CD151: variants seen among roughly 807,000 people sequenced by gnomAD.
CD151 encodes the protein CD151 molecule (Raph blood group), also known as CD151 antigen.
CD151 carries 20 observed loss-of-function variants against 34.2 expected under a neutral mutation model. The ratio of observed to expected loss-of-function variants is 0.58; its 90% CI spans 0.41 to 0.85. The LOEUF (loss-of-function observed/expected upper bound fraction) is 0.85. Among genes scored for constraint, CD151 ranks in the 40% least tolerant of loss-of-function variants. The pLI is 0.00. For synonymous variants in CD151, 157 were observed against 131.7 expected, an observed-to-expected ratio of 1.19 and a Z score of -1.32; for missense variants, 306 against 324.5, an observed-to-expected ratio of 0.94 and a Z score of 0.44.
intron 2 of CD151, 194 bp downstream of exon 2, chr11:834,785 G>C (rs1416709338): frequency 2.6e-5 from 4 of 152,420 alleles, no homozygotes. Context: ...GGCATAGCCT[G>C]TCTGTGCTGC....
At chr11:834,502 G>A (rs887075788) in intron 1 of CD151, 28 bp from the exon 2 acceptor site, 1 of 152,408 alleles carries the variant, frequency 6.6e-6, no homozygotes, top group South Asian at 2.1e-4. Flanking sequence ...CCTGTAACCT[G>A]TGACCTGACA....
At chr11:836,490 A>G (rs1590209767) in intron 4 of CD151, 48 bp downstream of exon 4, 1 of 1,403,306 alleles carries the variant, frequency 7.1e-7, no homozygotes. Flanking sequence ...AGATGGGCCC[A>G]AGGAGGTTGT....
In CD151 at chr11:837,364, T is replaced by G. The variant is rs779772018; in HGVS notation, c.456+10T>G. 39 of 1,610,070 alleles carry G rather than the reference T, an allele frequency of 2.4e-5. No individual in the cohort carries two copies. The highest frequency in any genetic ancestry group is 1.6e-4 in the Middle Eastern group (1 of 6,076). ...CCAGCTGCAGCAGGAGGTGGGTGGG[T>G]GGTGCTGGGAGGGCGCGTGCATCCC... On this transcript the variant is annotated intron_variant, in intron 6 of 8. Transcript: ENST00000397420.
At chr11:833,614 G>A (rs1055487033) in intron 1 of CD151, among the ~76,000 whole-genome samples, 8 of 152,192 alleles carry the variant, frequency 5.3e-5, no homozygotes, top group African/African-American at 1.4e-4. Context: ...AACTATTTCT[G>A]GAAGGCCCTT....
chr11:837,968 C>G lies in CD151; in HGVS notation c.642C>G (p.Thr214=), dbSNP rs180832714. ...GCGGCTGCATCACCAAGTTGGAGACCTTCATCCAGGAGCACCTGAGGGTCA... is the reference window on the plus strand; with the variant it reads ...GCGGCTGCATCACCAAGTTGGAGACGTTCATCCAGGAGCACCTGAGGGTCA... The part of the protein sequence containing the change: ...VEGGCITKLE[T]FIQEHLRVIG... The change falls in exon 8 of 9, where the codon ACC becomes ACG. Residue 214 remains threonine, a synonymous_variant. Transcript: ENST00000397420. 5 of 1,613,128 alleles carry G rather than the reference C, an allele frequency of 3.1e-6. No individual in the cohort carries two copies. Among genetic ancestry groups the G allele is most frequent in the Non-Finnish European group, 3.4e-6 (4 of 1,179,864 alleles).
chr11:834,108 G>A (rs28678266), intron 1 of CD151: 95,436 of 151,484 alleles, frequency 0.63, 30,666 homozygotes, highest in East Asian at 0.9. Context: ...CCGAAATGTC[G>A]TCTGCCTTGG....
rs765745305 is a variant in CD151 at position 837,931 on chromosome 11, G to A, written c.616-11G>A. On this transcript the variant is annotated splice_polypyrimidine_tract_variant and intron_variant, in intron 7 of 8. Transcript: ENST00000397420. Reference sequence around the variant, plus strand: ...CTGGGCCCGCCTTCAACACCCATCCGCGCCCCGCAGGGCGGCTGCATCACC... The same window carrying A: ...CTGGGCCCGCCTTCAACACCCATCCACGCCCCGCAGGGCGGCTGCATCACC... 22 of 1,606,726 alleles carry A rather than the reference G, an allele frequency of 1.4e-5. No homozygotes were observed. Among genetic ancestry groups the A allele is most frequent in the Middle Eastern group, 3.3e-4 (2 of 6,008 alleles).
intron 1 of CD151, among the ~76,000 whole-genome samples, 169 bp downstream of exon 1, chr11:833,195 G>GCCCAGCTCCCTCGCCTGC (rs142782599): frequency 3.4e-3 from 66 of 19,628 alleles, no homozygotes; most frequent in South Asian, 0.026. Flanking sequence ...CCACCGCCTG[G>GCCCAGCTCCCTCGCCTGC]CCCAGCTCCC....
At chr11:833,317 G>T (rs1222744019) in intron 1 of CD151, among the ~76,000 whole-genome samples, 1 of 152,164 alleles carries the variant, frequency 6.6e-6, no homozygotes, top group Non-Finnish European at 1.5e-5. Context: ...CCGGCCTGAC[G>T]GCCCCCTTCA....
chr11:836,184 A>G (rs1486432914), intron 3 of CD151, 31 bp downstream of exon 3: 3 of 715,886 alleles, frequency 4.2e-6, no homozygotes, highest in Non-Finnish European at 6.8e-6. Flanking sequence ...CCCCACCCCC[A>G]CCCCCACCCC....
At position 836,849 on chromosome 11, in the gene CD151, G is replaced by A. The variant is rs1159492380; in HGVS notation, c.351+6G>A. The A allele has an allele frequency of 6.2e-7, 1 of 1,612,212 alleles. No homozygotes were observed. On this transcript the variant is annotated splice_donor_region_variant and intron_variant, in intron 5 of 8. Transcript: ENST00000397420. ...CCTACGCCTACTACCAGCAGGTGAG[G>A]GGCCTGGGCAGGCCATTCAGAGACA...
Position 838,039 on chromosome 11 carries a change from A to T in CD151, c.702+11A>T. The T allele has an allele frequency of 6.2e-7, 1 of 1,612,518 alleles. No individual in the cohort carries two copies. Among genetic ancestry groups the T allele is most frequent in the Non-Finnish European group, 8.5e-7 (1 of 1,178,978 alleles). ...ATTGCCTGTGTGCAGGTGAGGGCAC[A>T]TGGGGGTGGCGGTCATCTTGTTGGG... On this transcript the variant is annotated intron_variant, in intron 8 of 8. Transcript: ENST00000397420.
In CD151 at chr11:838,424, C is replaced by T. The variant is rs1130680; in HGVS notation, c.*232C>T. On this transcript the variant is annotated 3_prime_UTR_variant, in exon 9 of 9. Coordinates refer to ENST00000397420, the MANE Select transcript of CD151 (RefSeq NM_004357.5). ...GGTGTTTTGTGGGGCTCCCCAGACA[C>T]ACTCTCTGCCTGGTGGTCAGATGCA... is the stretch of plus-strand genomic sequence containing the variant. 390,676 of 582,100 alleles carry T rather than the reference C, an allele frequency of 0.67. 134,332 individuals carry two copies. Among genetic ancestry groups the T allele is most frequent in the East Asian group, 0.89 (31,160 of 34,934 alleles). 36.1% of individuals were successfully genotyped at this position (582,100 alleles called of 1,614,324 possible).
chr11:836,628 G>A (rs1438998796), intron 4 of CD151, 141 bp from the exon 5 acceptor site: 14 of 887,012 alleles, frequency 1.6e-5, no homozygotes, highest in East Asian at 2.6e-5. Flanking sequence ...CACCAGCTCC[G>A]CAAGAAAGCT....
chr11:835,966 C>T lies in CD151; in HGVS notation c.-7-97C>T, dbSNP rs563448785. The T allele has an allele frequency of 9.0e-4, 662 of 732,350 alleles. 3 individuals are homozygous for T. The highest frequency in any genetic ancestry group is 7.0e-3 in the African/African-American group (405 of 58,128). The allele number at this position is 732,350 out of a possible 1,614,324, so 45.4% of individuals were successfully genotyped here. A position where few individuals can be genotyped will look rare whatever the true frequency, so the allele number is the denominator to read the frequency against. On this transcript the variant is annotated intron_variant, in intron 2 of 8. Coordinates refer to ENST00000397420, the MANE Select transcript of CD151 (RefSeq NM_004357.5). ...CCCCCCAAAGTGCTGGGATTACAGG[C>T]GTGAGCCACCGCGCCTGGCCCTGTG...
rs776341908 is a variant in CD151, at chr11:836,320, C to T, written c.154C>T (p.Leu52=). The T allele has an allele frequency of 1.2e-6, 2 of 1,612,720 alleles. No homozygotes were observed. Among genetic ancestry groups the T allele is most frequent in the Non-Finnish European group, 1.7e-6 (2 of 1,179,900 alleles). The change falls in exon 4 of 9, where the codon CTG becomes TTG. Residue 52 remains leucine (L), a synonymous_variant. Transcript: ENST00000397420. ...CCTCAAGAGTGACTACATCAGCCTGCTGGCCTCAGGCACCTACCTGGCCAC... is the reference window on the plus strand; with the variant it reads ...CCTCAAGAGTGACTACATCAGCCTGTTGGCCTCAGGCACCTACCTGGCCAC... ...LALKSDYISL[L]ASGTYLATAY...
In CD151 at chr11:838,479, A is replaced by G. The variant is rs1846867133; in HGVS notation, c.*287A>G. 9.0e-6 allele frequency: 5 copies of G among 556,538 alleles called. No homozygotes were observed. The highest frequency in any genetic ancestry group is 1.6e-5 in the Non-Finnish European group (5 of 311,288). The allele number at this position is 556,538 out of a possible 1,614,324, so 34.5% of individuals were successfully genotyped here. ...GGAAGGGGCCTTGCTGAGTGGCGCA[A>G]GGCCGAGCGTTCCCAGCAGGGGGAG... On this transcript the variant is annotated 3_prime_UTR_variant, in exon 9 of 9. Transcript: ENST00000397420.
chr11:838,268 G>A lies in CD151; in HGVS notation c.*76G>A. ...CTGAGTACCAGGGGCTGGGCTCCCTGATGACACCCACCCTGTGCCATCACC... is the reference window on the plus strand; with the variant it reads ...CTGAGTACCAGGGGCTGGGCTCCCTAATGACACCCACCCTGTGCCATCACC... On this transcript the variant is annotated 3_prime_UTR_variant, in exon 9 of 9. Coordinates refer to ENST00000397420, the MANE Select transcript of CD151 (RefSeq NM_004357.5). 1.6e-6 allele frequency: 2 copies of A among 1,228,614 alleles called. No homozygotes were observed. The highest frequency in any genetic ancestry group is 2.4e-6 in the Non-Finnish European group (2 of 832,594). 76.1% of individuals were successfully genotyped at this position (1,228,614 alleles called of 1,614,324 possible). A position where few individuals can be genotyped will look rare whatever the true frequency, so the allele number is the denominator to read the frequency against.
chr11:836,687 G>C, intron 4 of CD151, 82 bp from the exon 5 acceptor site: 1 of 1,367,936 alleles, frequency 7.3e-7, no homozygotes, highest in Non-Finnish European at 1.0e-6. Flanking sequence ...CTGGGGAGCC[G>C]GGGTGGGGAC....
Sources: gnomAD v4.1 joint callset for allele counts (sites outside exome capture counted in the v4.1 genomes callset) on GRCh38, gnomAD v4.1.1 for gene constraint, MANE v1.5 for transcripts, NCBI Gene and HGNC (gene_info 2026-07-23, HGNC 2026-07-21) for gene names.